Variants in CNTN5 observed in about 807,000 individuals in gnomAD.
CNTN5 encodes contactin-5.
In CNTN5, 77 loss-of-function variants were observed where a neutral mutation model predicts 129.1. That is an observed-to-expected ratio of 0.60 (90% confidence interval 0.50 to 0.72). The LOEUF (loss-of-function observed/expected upper bound fraction) is 0.72. Among genes scored for constraint, CNTN5 ranks in the 30% least tolerant of loss-of-function variants. The pLI, the probability that CNTN5 is intolerant of heterozygous loss-of-function variation, is 0.00. For synonymous variants in CNTN5, 509 were observed against 465.6 expected, an observed-to-expected ratio of 1.09 and a Z score of -1.20; for missense variants, 1,478 against 1,328.8, an observed-to-expected ratio of 1.11 and a Z score of -1.75.
intron 13 of CNTN5, among the ~76,000 whole-genome samples, chr11:100,146,418 C>T (rs1946853064): frequency 6.6e-6 from 1 of 152,028 alleles, no homozygotes; most frequent in South Asian, 2.1e-4. Context: ...AATTTAAATA[C>T]CCTTTGTGTT....
chr11:99,235,393 C>A (rs1861213223), intron 1 of CNTN5, among the ~76,000 whole-genome samples: 1 of 151,970 alleles, frequency 6.6e-6, no homozygotes. Context: ...AATTTAAATG[C>A]AATTCATCTA....
intron 7 of CNTN5, among the ~76,000 whole-genome samples, chr11:99,920,437 T>C (rs538955812): frequency 3.3e-5 from 5 of 152,312 alleles, no homozygotes; most frequent in Admixed American, 2.0e-4. Context: ...CTCTGGCTTG[T>C]ATGTATATCC....
chr11:99,316,839 G>A (rs916337650), intron 1 of CNTN5, among the ~76,000 whole-genome samples: 10 of 152,026 alleles, frequency 6.6e-5, no homozygotes, highest in African/African-American at 2.2e-4. Flanking sequence ...GTCCAGCTCC[G>A]AGCCGTGTAT....
chr11:99,130,609 A>G (rs1291616632), intron 1 of CNTN5, among the ~76,000 whole-genome samples: 2 of 152,172 alleles, frequency 1.3e-5, no homozygotes, highest in Non-Finnish European at 2.9e-5. Flanking sequence ...GACCAAGTGG[A>G]CCTAATAGAT....
At position 100,227,541 on chromosome 11, in the gene CNTN5, C is replaced by T. The variant is rs566288662; in HGVS notation, c.2005+2729C>T. Among the ~76,000 whole-genome samples the T allele has an allele frequency of 1.4e-4, 21 of 152,288 alleles. No homozygotes were observed. The East Asian group carries it at 3.9e-3, about 28-fold the overall frequency. Reference sequence around the variant, plus strand: ...ATTCACCTCTATTCCACCATGATCACCTTTCTCCAAAGATTGCTTTTTTCG... The same window carrying T: ...ATTCACCTCTATTCCACCATGATCATCTTTCTCCAAAGATTGCTTTTTTCG... On this transcript the variant is annotated intron_variant, in intron 16 of 24. Coordinates refer to ENST00000524871, the MANE Select transcript of CNTN5 (RefSeq NM_014361.4).
intron 7 of CNTN5, among the ~76,000 whole-genome samples, chr11:99,951,977 A>G (rs1369153923): frequency 6.6e-6 from 1 of 152,190 alleles, no homozygotes; most frequent in Non-Finnish European, 1.5e-5. Flanking sequence ...CTACACACCA[A>G]GTATCTTGTT....
At chr11:99,077,468 C>G (rs888341523) in intron 1 of CNTN5, among the ~76,000 whole-genome samples, 15 of 152,162 alleles carry the variant, frequency 9.9e-5, no homozygotes, top group African/African-American at 3.6e-4. Flanking sequence ...TTATTTATTA[C>G]AGTGGTCCTT....
intron 13 of CNTN5, among the ~76,000 whole-genome samples, chr11:100,152,465 G>A (rs141306940): frequency 1.7e-4 from 26 of 152,244 alleles, no homozygotes; most frequent in African/African-American, 5.8e-4. Flanking sequence ...GCTTTTATGC[G>A]TGACACAGAA....
In CNTN5 at chr11:100,030,168, C is replaced by T. The variant is rs79713025; in HGVS notation, c.980+28032C>T. ...AGTAGGAGAATCACTTGAGGCCTGG[C>T]GTTCAAGACCATCCTGGGCAATATA... On this transcript the variant is annotated intron_variant, in intron 9 of 24. Coordinates refer to ENST00000524871, the MANE Select transcript of CNTN5 (RefSeq NM_014361.4). Among the ~76,000 whole-genome samples the T allele has an allele frequency of 5.3e-3, 797 of 151,390 alleles. 6 individuals are homozygous for T. Among genetic ancestry groups the T allele is most frequent in the African/African-American group, 0.017 (711 of 41,198 alleles).
At chr11:99,798,198 G>A (rs1946007641) in intron 3 of CNTN5, among the ~76,000 whole-genome samples, 1 of 152,040 alleles carries the variant, frequency 6.6e-6, no homozygotes, top group South Asian at 2.1e-4. Flanking sequence ...TTACAAGTTA[G>A]AAGATGCGGC....
chr11:100,101,569 G>T (rs1945225617), intron 13 of CNTN5, among the ~76,000 whole-genome samples: 1 of 151,880 alleles, frequency 6.6e-6, no homozygotes, highest in African/African-American at 2.4e-5. Context: ...AAATTCCAAT[G>T]TATTCTTTTT....
intron 9 of CNTN5, among the ~76,000 whole-genome samples, chr11:100,025,754 A>G (rs1941387807): frequency 6.6e-6 from 1 of 152,202 alleles, no homozygotes; most frequent in Non-Finnish European, 1.5e-5. Flanking sequence ...TTGGACTTGT[A>G]TGGTGCCTGT....
At chr11:99,363,269 A>G (rs1317822163) in intron 2 of CNTN5, among the ~76,000 whole-genome samples, 1 of 151,984 alleles carries the variant, frequency 6.6e-6, no homozygotes, top group East Asian at 1.9e-4. Context: ...ATTCTTTTTG[A>G]TTGACTAGCT....
intron 1 of CNTN5, among the ~76,000 whole-genome samples, chr11:99,193,636 C>CTA (rs1405289669): frequency 1.3e-5 from 2 of 152,186 alleles, no homozygotes; most frequent in African/African-American, 4.8e-5. Flanking sequence ...AACCCTTATA[C>CTA]TATACACAGG....
At chr11:100,137,703 G>A (rs1357406936) in intron 13 of CNTN5, among the ~76,000 whole-genome samples, 1 of 152,080 alleles carries the variant, frequency 6.6e-6, no homozygotes, top group African/African-American at 2.4e-5. Flanking sequence ...ATGAGCTTCA[G>A]TTCTGCTGGT....
rs753301950 is a variant in CNTN5, at chr11:99,819,725, C to A, written c.237C>A (p.Pro79=). Residue 79 remains proline (P), a synonymous_variant, in exon 4 of 25, where the codon CCC becomes CCA. Coordinates refer to ENST00000524871, the MANE Select transcript of CNTN5 (RefSeq NM_014361.4). ...WLGAAQNYYS[P]INLYHSSDAF... ...GGGCAGCTCAGAATTATTATTCCCC[C>A]ATCAATCTTTATCATTCCTCAGATG... is the stretch of plus-strand genomic sequence containing the variant. 6 of 1,610,366 alleles carry A rather than the reference C, an allele frequency of 3.7e-6. No homozygotes were observed. In the South Asian group the frequency reaches 5.5e-5, roughly 15 times the overall value.
chr11:99,469,057 G>A (rs1252127352), intron 2 of CNTN5, among the ~76,000 whole-genome samples: 1 of 152,010 alleles, frequency 6.6e-6, no homozygotes, highest in Non-Finnish European at 1.5e-5. Context: ...TTTAAAATTA[G>A]CTTTTATTTT....
intron 9 of CNTN5, among the ~76,000 whole-genome samples, chr11:100,029,396 G>C (rs1045132863): frequency 2.9e-4 from 44 of 151,586 alleles, no homozygotes; most frequent in African/African-American, 9.7e-4. Flanking sequence ...TCCTGGCTAA[G>C]ACGGTGAAAC....
At chr11:99,720,169 C>G (rs1241836258) in intron 3 of CNTN5, among the ~76,000 whole-genome samples, 1 of 152,096 alleles carries the variant, frequency 6.6e-6, no homozygotes, top group African/African-American at 2.4e-5. Context: ...TCCACTCTAT[C>G]TATGAGGCCA....
Sources: allele counts gnomAD v4.1 joint callset (sites outside exome capture counted in the v4.1 genomes callset), GRCh38; gene constraint gnomAD v4.1.1; transcripts MANE v1.5; gene names NCBI Gene and HGNC (gene_info 2026-07-23, HGNC 2026-07-21).